BBX: variants seen among roughly 807,000 people sequenced by gnomAD.
The protein encoded by BBX is BBX high mobility group box domain containing.
BBX carries 30 observed loss-of-function variants against 100.2 expected under a neutral mutation model. The ratio of observed to expected loss-of-function variants is 0.30; its 90% confidence interval spans 0.22 to 0.41. The LOEUF is 0.41. Among genes scored for constraint, BBX ranks in the 10% least tolerant of loss-of-function variants. The probability of loss-of-function intolerance (pLI) is 1.00; values close to 1 mark genes in which losing one functional copy is unlikely to be tolerated. For missense variants in BBX, 1,023 were observed against 1,129.8 expected (o/e 0.91, Z 1.35); for synonymous variants, 376 against 388.1 (o/e 0.97, Z 0.37).
At chr3:107,648,658 A>G (rs563534581) in intron 3 of BBX, among the ~76,000 whole-genome samples, 7 of 152,308 alleles carry the variant, frequency 4.6e-5, no homozygotes, top group African/African-American at 1.7e-4. Context: ...TAACAGTTGC[A>G]TCCGGGAGTT....
At chr3:107,617,159 T>C (rs1310101234) in intron 2 of BBX, among the ~76,000 whole-genome samples, 1 of 152,180 alleles carries the variant, frequency 6.6e-6, no homozygotes, top group Non-Finnish European at 1.5e-5. Flanking sequence ...CCTTCCTCCA[T>C]TGAATTGCTT....
rs9842741 is a variant in BBX at position 107,805,250 on chromosome 3, A to G, written c.2739-120A>G. The G allele has an allele frequency of 7.3e-6, 8 of 1,096,230 alleles. No individual in the cohort carries two copies. The South Asian group carries it at 1.1e-4, about 15-fold the overall frequency. The allele number at this position is 1,096,230 out of a possible 1,614,324, so 67.9% of individuals were successfully genotyped here. On this transcript the variant is annotated intron_variant, in intron 17 of 17. Coordinates refer to ENST00000325805, the MANE Select transcript of BBX (RefSeq NM_001142568.3). The stretch of plus-strand genomic sequence containing the variant: ...AAGCAAAAACAGTTTTCATTAAATG[A>G]TGTAAGTAACAGCAGTAACTGTTAA...
At position 107,683,648 on chromosome 3, in the gene BBX, G is replaced by A. The variant is rs2059685292; in HGVS notation, c.-9-26804G>A. 2.0e-5 allele frequency among the ~76,000 whole-genome samples: 3 copies of A among 152,078 alleles called. No homozygotes were observed. The South Asian group carries it at 6.2e-4, about 31-fold the overall frequency. On this transcript the variant is annotated intron_variant, in intron 3 of 17. Coordinates refer to ENST00000325805, the MANE Select transcript of BBX (RefSeq NM_001142568.3). ...GCTCCTTTTAGAAGCTAAGTTATCA[G>A]GCTGTCAGTCAAGAATGTACTAACT...
At chr3:107,597,282 A>G (rs969404872) in intron 2 of BBX, among the ~76,000 whole-genome samples, 10 of 152,158 alleles carry the variant, frequency 6.6e-5, no homozygotes, top group Admixed American at 4.6e-4. Flanking sequence ...TTAAAAATCT[A>G]TTGATTACCC....
chr3:107,687,937 C>T (rs574493587), intron 3 of BBX, among the ~76,000 whole-genome samples: 58 of 152,210 alleles, frequency 3.8e-4, no homozygotes, highest in African/African-American at 1.2e-3. Context: ...CATCTGTAAT[C>T]CCAGCTACTC....
chr3:107,598,559 T>C (rs569787171), intron 2 of BBX, among the ~76,000 whole-genome samples: 1 of 152,208 alleles, frequency 6.6e-6, no homozygotes, highest in Non-Finnish European at 1.5e-5. Flanking sequence ...CTTATTTATT[T>C]TGGGTGTCAG....
At chr3:107,716,370 A>G in intron 4 of BBX, 2 of 491,412 alleles carry the variant, frequency 4.1e-6, no homozygotes, top group South Asian at 5.4e-5. Context: ...ACAATGTAAT[A>G]TATGCTGTAA....
intron 2 of BBX, among the ~76,000 whole-genome samples, chr3:107,557,913 A>G (rs1416057404): frequency 1.3e-5 from 2 of 152,230 alleles, no homozygotes; most frequent in East Asian, 3.8e-4. Flanking sequence ...GGAAAGCAGG[A>G]TGAGGAGGGC....
chr3:107,650,690 A>G (rs1175346059), intron 3 of BBX, among the ~76,000 whole-genome samples: 2 of 152,138 alleles, frequency 1.3e-5, no homozygotes, highest in African/African-American at 4.8e-5. Flanking sequence ...TATTTTTGTA[A>G]CTATTAGTTG....
At position 107,794,703 on chromosome 3, in the gene BBX, T is replaced by C. The variant is rs368494667; in HGVS notation, c.2353+3404T>C. Among the ~76,000 whole-genome samples, 4 of 152,334 alleles carry C rather than the reference T, an allele frequency of 2.6e-5. No individual in the cohort carries two copies. The South Asian group carries it at 8.3e-4, about 32-fold the overall frequency. ...TTCAGCATCTGACTGCTGTTTCAGC[T>C]CATGGGAGACCTACCAAAGGCAATT... On this transcript the variant is annotated intron_variant, in intron 15 of 17. Coordinates refer to ENST00000325805, the MANE Select transcript of BBX (RefSeq NM_001142568.3).
chr3:107,723,129 A>G (rs1238635859), intron 5 of BBX, among the ~76,000 whole-genome samples: 2 of 152,010 alleles, frequency 1.3e-5, no homozygotes, highest in Non-Finnish European at 2.9e-5. Context: ...AGAGTCGTCT[A>G]TCTTTATTAA....
chr3:107,640,814 A>G (rs992750863), intron 2 of BBX, among the ~76,000 whole-genome samples: 5 of 152,002 alleles, frequency 3.3e-5, no homozygotes, highest in Admixed American at 1.3e-4. Flanking sequence ...GGCATCCAAC[A>G]CCATGCCCAA....
chr3:107,773,608 C>T lies in BBX; in HGVS notation c.1887C>T (p.Leu629=), dbSNP rs750322619. 2.8e-5 allele frequency: 45 copies of T among 1,612,274 alleles called. No homozygotes were observed. Among genetic ancestry groups the T allele is most frequent in the East Asian group, 6.7e-5 (3 of 44,876 alleles). The change falls in exon 11 of 18, where the codon CTC becomes CTT. Residue 629 remains leucine (L), a synonymous_variant. Coordinates refer to ENST00000325805, the MANE Select transcript of BBX (RefSeq NM_001142568.3). This position sits in a 1 kb window ranked among gnomAD's most constrained non-coding sequence, Gnocchi z 4.1. Reference sequence around the variant, plus strand: ...AAACCCTGGTGTCTGAGGGCATGCTCACCTCTCTGCGAGCTAATGTTGACA... The same window carrying T: ...AAACCCTGGTGTCTGAGGGCATGCTTACCTCTCTGCGAGCTAATGTTGACA... ...LYKTLVSEGM[L]TSLRANVDRG... is the part of the protein sequence containing the mutation.
At chr3:107,552,589 A>G (rs1183600541) in intron 2 of BBX, among the ~76,000 whole-genome samples, 1 of 152,122 alleles carries the variant, frequency 6.6e-6, no homozygotes, top group Non-Finnish European at 1.5e-5. Flanking sequence ...GACATATAGG[A>G]TTTATTCCAT....
At chr3:107,623,120 A>T (rs2055904948) in intron 2 of BBX, among the ~76,000 whole-genome samples, 1 of 152,156 alleles carries the variant, frequency 6.6e-6, no homozygotes, top group African/African-American at 2.4e-5. Context: ...CCATCGACGC[A>T]GTGCTTTGTT....
chr3:107,694,832 T>G (rs2060464112), intron 3 of BBX, among the ~76,000 whole-genome samples: 1 of 151,856 alleles, frequency 6.6e-6, no homozygotes, highest in African/African-American at 2.4e-5. Flanking sequence ...TCCTGGACTC[T>G]TTTTGGTTGG....
intron 3 of BBX, among the ~76,000 whole-genome samples, chr3:107,678,010 T>C (rs1472429450): frequency 3.9e-5 from 6 of 152,194 alleles, no homozygotes; most frequent in Non-Finnish European, 7.4e-5. Context: ...AATAATGTCG[T>C]AAACAATTTA....
intron 13 of BBX, among the ~76,000 whole-genome samples, chr3:107,781,770 A>G (rs1175307251): frequency 6.6e-6 from 1 of 152,136 alleles, no homozygotes; most frequent in East Asian, 1.9e-4. Flanking sequence ...CTATCTTTAC[A>G]TAGTTCCTTG....
chr3:107,666,326 G>A (rs533022500), intron 3 of BBX, among the ~76,000 whole-genome samples: 10 of 152,304 alleles, frequency 6.6e-5, no homozygotes, highest in Non-Finnish European at 7.4e-5. Flanking sequence ...GTACATTTCT[G>A]TTGTGCTTAG....
Sources: allele counts gnomAD v4.1 joint callset (sites outside exome capture counted in the v4.1 genomes callset), GRCh38; gene constraint gnomAD v4.1.1; non-coding constraint Gnocchi (gnomAD v3.1); transcripts MANE v1.5; gene names NCBI Gene and HGNC (gene_info 2026-07-23, HGNC 2026-07-21).